The following CSMD1 variants were observed in gnomAD, a reference collection of about 807,000 sequenced individuals.
CSMD1 encodes the protein CUB and sushi domain-containing protein 1.
In CSMD1, 213 loss-of-function variants were observed where a neutral mutation model predicts 417.5. The observed-to-expected ratio is 0.51, with a 90% CI of 0.46 to 0.57. The LOEUF is 0.57. Among genes scored for constraint, CSMD1 ranks in the 20% least tolerant of loss-of-function variants. The probability of loss-of-function intolerance (pLI) is 0.00; values close to 1 mark genes in which losing one functional copy is unlikely to be tolerated. For missense variants in CSMD1, 6,923 were observed against 4,529.7 expected (o/e 1.53, Z -15.17); for synonymous variants, 2,862 against 1,736.8 (o/e 1.65, Z -16.11).
chr8:3,887,362 C>A (rs1806635725), intron 5 of CSMD1, among the ~76,000 whole-genome samples: 1 of 152,138 alleles, frequency 6.6e-6, no homozygotes, highest in South Asian at 2.1e-4. Flanking sequence ...CAAGATAAAT[C>A]AACAGCTCTT....
intron 10 of CSMD1, among the ~76,000 whole-genome samples, chr8:3,570,960 T>A (rs974021811): frequency 6.6e-6 from 1 of 152,326 alleles, no homozygotes; most frequent in Middle Eastern, 3.4e-3. Flanking sequence ...AAATGTGCTA[T>A]AGGCACATCT....
chr8:4,938,714 A>G (rs982572879), intron 1 of CSMD1, among the ~76,000 whole-genome samples: 1 of 152,226 alleles, frequency 6.6e-6, no homozygotes, highest in African/African-American at 2.4e-5. Flanking sequence ...TCTTCTCATG[A>G]TAAATTCGAT....
intron 25 of CSMD1, among the ~76,000 whole-genome samples, chr8:3,292,296 A>G (rs1001618443): frequency 2.6e-5 from 4 of 152,098 alleles, no homozygotes; most frequent in Admixed American, 6.6e-5. Context: ...AAAAGAATGT[A>G]TATTTTGTTG....
chr8:3,179,684 A>G (rs904866956), intron 37 of CSMD1, among the ~76,000 whole-genome samples: 1 of 152,228 alleles, frequency 6.6e-6, no homozygotes, highest in African/African-American at 2.4e-5. Context: ...GCATTCATCA[A>G]TACTAACTCC....
chr8:3,467,411 T>C (rs1816846029), intron 12 of CSMD1, among the ~76,000 whole-genome samples: 1 of 152,238 alleles, frequency 6.6e-6, no homozygotes, highest in Admixed American at 6.5e-5. Context: ...CACCATACTT[T>C]CCTGAATAAC....
intron 1 of CSMD1, among the ~76,000 whole-genome samples, chr8:4,901,302 T>C (rs1804855593): frequency 1.3e-5 from 2 of 152,234 alleles, no homozygotes; most frequent in Non-Finnish European, 2.9e-5. Flanking sequence ...TAATTTTTTA[T>C]TCCGCTTGTG....
At chr8:3,980,827 C>T (rs12675430) in intron 5 of CSMD1, among the ~76,000 whole-genome samples, 8,477 of 152,234 alleles carry the variant, frequency 0.056, 417 homozygotes, top group African/African-American at 0.12. Context: ...AATGTCCCCA[C>T]TCCCAGCAGT....
intron 57 of CSMD1, 93 bp from the exon 58 acceptor site, chr8:2,966,839 C>A: frequency 8.7e-7 from 1 of 1,148,556 alleles, no homozygotes; most frequent in South Asian, 1.5e-5. Flanking sequence ...GTGCAATAGA[C>A]TACACATTTA....
intron 26 of CSMD1, among the ~76,000 whole-genome samples, chr8:3,253,007 A>C (rs1337063781): frequency 6.6e-6 from 1 of 152,144 alleles, no homozygotes; most frequent in African/African-American, 2.4e-5. Context: ...TCTTTTCAAA[A>C]AACCAGCTCC....
At chr8:4,093,934 T>A (rs149079303) in intron 3 of CSMD1, among the ~76,000 whole-genome samples, 2,138 of 151,250 alleles carry the variant, frequency 0.014, 26 homozygotes, top group Non-Finnish European at 0.019. Context: ...CGCTCCAACC[T>A]GAGCAAAAGA....
intron 1 of CSMD1, among the ~76,000 whole-genome samples, chr8:4,733,076 T>G (rs1022783342): frequency 9.9e-5 from 15 of 152,152 alleles, no homozygotes; most frequent in Non-Finnish European, 1.6e-4. Flanking sequence ...CCGAGGTTGG[T>G]ATTTAAAATG....
chr8:3,420,048 G>T (rs1813390504), intron 12 of CSMD1, among the ~76,000 whole-genome samples: 1 of 152,050 alleles, frequency 6.6e-6, no homozygotes, highest in Non-Finnish European at 1.5e-5. Flanking sequence ...ATAGAGCCCA[G>T]GGTATATTAA....
At chr8:3,954,459 C>T (rs1441429693) in intron 5 of CSMD1, among the ~76,000 whole-genome samples, 2 of 152,156 alleles carry the variant, frequency 1.3e-5, no homozygotes, top group Non-Finnish European at 2.9e-5. Context: ...CTCCTCCTCC[C>T]GGGTTCAGGC....
At chr8:3,760,076 C>T (rs1333189681) in intron 5 of CSMD1, among the ~76,000 whole-genome samples, 1 of 151,936 alleles carries the variant, frequency 6.6e-6, no homozygotes, top group African/African-American at 2.4e-5. Flanking sequence ...GATATTGGTG[C>T]TTAAAAAACA....
At chr8:4,177,878 A>T (rs1335982745) in intron 3 of CSMD1, among the ~76,000 whole-genome samples, 2 of 151,940 alleles carry the variant, frequency 1.3e-5, no homozygotes, top group African/African-American at 4.8e-5. Flanking sequence ...AGACTAAACC[A>T]GGAAGAAGTT....
chr8:3,844,030 C>T (rs941328674), intron 5 of CSMD1, among the ~76,000 whole-genome samples: 3 of 152,122 alleles, frequency 2.0e-5, no homozygotes, highest in Non-Finnish European at 4.4e-5. Flanking sequence ...ATTGTTATTA[C>T]AATGGCACAA....
chr8:3,033,430 G>C (rs896762240), intron 50 of CSMD1, among the ~76,000 whole-genome samples: 2 of 152,044 alleles, frequency 1.3e-5, no homozygotes, highest in Non-Finnish European at 2.9e-5. Flanking sequence ...TGCTATTGTG[G>C]ACTTCAGACC....
Position 4,325,804 on chromosome 8 carries a change from C to T in CSMD1, c.415+94149G>A, listed in dbSNP as rs567831204. 5.1e-4 allele frequency among the ~76,000 whole-genome samples: 78 copies of T among 152,266 alleles called. 1 individual carries two copies. In the South Asian group the frequency reaches 0.016, roughly 31 times the overall value. On this transcript the variant is annotated intron_variant, in intron 3 of 69. Transcript: ENST00000635120. ...TTTAAATGCTGGCCCATTTAAAATG[C>T]TGATGACCCTGAGAACGACTGTAGA...
At chr8:4,552,998 T>A (rs1289314508) in intron 2 of CSMD1, among the ~76,000 whole-genome samples, 2 of 152,206 alleles carry the variant, frequency 1.3e-5, no homozygotes, top group Non-Finnish European at 2.9e-5. Flanking sequence ...GGCTGCTTGG[T>A]GACATTTCAC....
Sources: allele counts gnomAD v4.1 joint callset (sites outside exome capture counted in the v4.1 genomes callset), GRCh38; gene constraint gnomAD v4.1.1; transcripts MANE v1.5; gene names NCBI Gene and HGNC (gene_info 2026-07-23, HGNC 2026-07-21).